TULP4: variants seen among roughly 807,000 people sequenced by gnomAD.
The protein encoded by TULP4 is tubby-related protein 4.
TULP4 carries 16 observed loss-of-function variants against 129.0 expected under a neutral mutation model. The ratio of observed to expected loss-of-function variants is 0.12; its 90% CI spans 0.08 to 0.19. TULP4 has a LOEUF of 0.19. Ranked by LOEUF, TULP4 falls within the 10% of genes least tolerant of loss-of-function variation. The pLI, the probability that TULP4 is intolerant of heterozygous loss-of-function variation, is 1.00. For synonymous variants in TULP4, 998 were observed against 854.0 expected (o/e 1.17, Z -2.94); for missense variants, 1,842 against 2,059.1 (o/e 0.89, Z 2.04).
At chr6:158,254,493 C>T (rs114994069) in intron 1 of TULP4, among the ~76,000 whole-genome samples, 425 of 152,278 alleles carry the variant, frequency 2.8e-3, no homozygotes, top group African/African-American at 9.8e-3. Context: ...ACACATACTT[C>T]AGTTTGGCCA....
intron 11 of TULP4, 40 bp from the exon 12 acceptor site, chr6:158,498,629 G>T (rs371248743): frequency 1.9e-6 from 3 of 1,613,322 alleles, no homozygotes; most frequent in African/African-American, 1.3e-5. Context: ...CTCTGCTCTG[G>T]TGTGTCTCTG....
At chr6:158,344,692 C>T (rs60102861) in intron 1 of TULP4, among the ~76,000 whole-genome samples, 134 of 152,252 alleles carry the variant, frequency 8.8e-4, no homozygotes, top group African/African-American at 3.0e-3. Flanking sequence ...CCTTGAGCCT[C>T]GCTGTTGCCT....
At chr6:158,463,669 A>ATATATATATATAT (rs1562577342) in intron 6 of TULP4, among the ~76,000 whole-genome samples, 2 of 140,548 alleles carry the variant, frequency 1.4e-5, no homozygotes, top group African/African-American at 5.2e-5. Context: ...TATATATATA[A>ATATATATATATAT]AAAGAAAAAA....
intron 6 of TULP4, among the ~76,000 whole-genome samples, chr6:158,463,543 T>C (rs2115190806): frequency 6.6e-6 from 1 of 152,064 alleles, no homozygotes; most frequent in South Asian, 2.1e-4. Context: ...ATATACCTAA[T>C]GTAAATGATG....
chr6:158,413,248 G>T lies in TULP4; in HGVS notation c.381+55G>T. On this transcript the variant is annotated intron_variant, in intron 2 of 13. Transcript: ENST00000367097. This position sits in a 1 kb window ranked among gnomAD's most constrained non-coding sequence, Gnocchi z 4.9. ...AGGGCTGCGGGGTAGAGGACTCCCA[G>T]ACAGGCATTCCGGAGCCAGTGCGTT... The T allele has an allele frequency of 6.4e-7, 1 of 1,555,842 alleles. No homozygotes were observed. Among genetic ancestry groups the T allele is most frequent in the African/African-American group, 1.4e-5 (1 of 73,608 alleles).
intron 13 of TULP4, among the ~76,000 whole-genome samples, chr6:158,505,912 A>G (rs1266359993): frequency 2.0e-5 from 3 of 150,612 alleles, no homozygotes; most frequent in Non-Finnish European, 4.4e-5. Context: ...TGCTTGTTAC[A>G]TGAGCATTAC....
chr6:158,331,296 T>A (rs988369410), intron 1 of TULP4, among the ~76,000 whole-genome samples: 1 of 152,168 alleles, frequency 6.6e-6, no homozygotes, highest in African/African-American at 2.4e-5. Context: ...ACAGATGTAA[T>A]CAAGAGCCTC....
intron 1 of TULP4, among the ~76,000 whole-genome samples, chr6:158,261,750 T>TC (rs1023712577): frequency 1.6e-4 from 24 of 152,162 alleles, no homozygotes; most frequent in Non-Finnish European, 5.9e-5. Context: ...GTTGCATGGC[T>TC]CCTGCTGATC....
upstream of TULP4, among the ~76,000 whole-genome samples, chr6:158,279,265 G>C (rs1342080954): frequency 6.6e-6 from 1 of 152,048 alleles, no homozygotes; most frequent in Non-Finnish European, 1.5e-5. Flanking sequence ...TGAAAATGTA[G>C]AACAATAAGT....
At position 158,503,311 on chromosome 6, in the gene TULP4, G is replaced by T. The variant is rs767050507; in HGVS notation, c.3648G>T (p.Thr1216=). The T allele has an allele frequency of 6.2e-7, 1 of 1,613,460 alleles. No individual in the cohort carries two copies. Among genetic ancestry groups the T allele is most frequent in the Non-Finnish European group, 8.5e-7 (1 of 1,179,906 alleles). Reference sequence around the variant, plus strand: ...CTCCCAAAGATGCCCTGTCCCCAACGCAGTTTGCACAACAGGAGCCTGCTG... The same window carrying T: ...CTCCCAAAGATGCCCTGTCCCCAACTCAGTTTGCACAACAGGAGCCTGCTG... ...PCSPKDALSP[T]QFAQQEPAVV... is the part of the protein sequence containing the mutation. Residue 1216 remains threonine, a synonymous_variant, in exon 13 of 14, where the codon ACG becomes ACT. Transcript: ENST00000367097. This position sits in a 1 kb window ranked among gnomAD's most constrained non-coding sequence, Gnocchi z 4.3.
intron 3 of TULP4, among the ~76,000 whole-genome samples, chr6:158,441,108 G>A (rs1778886671): frequency 6.6e-6 from 1 of 152,104 alleles, no homozygotes. Flanking sequence ...CTGAGGTCAG[G>A]AGTTCAAGAC....
At chr6:158,351,133 T>A (rs897373624) in intron 1 of TULP4, among the ~76,000 whole-genome samples, 1 of 152,152 alleles carries the variant, frequency 6.6e-6, no homozygotes, top group Non-Finnish European at 1.5e-5. Context: ...ATACTTTGCA[T>A]TGCATTTTTA....
intron 1 of TULP4, among the ~76,000 whole-genome samples, chr6:158,284,675 C>A (rs1234591324): frequency 1.3e-5 from 2 of 152,178 alleles, no homozygotes; most frequent in African/African-American, 4.8e-5. Flanking sequence ...AGCTGCTGAC[C>A]AGAGGCTTTG....
intron 1 of TULP4, among the ~76,000 whole-genome samples, chr6:158,243,875 T>C (rs1583670077): frequency 6.6e-6 from 1 of 151,714 alleles, no homozygotes; most frequent in South Asian, 2.1e-4. Context: ...TGTGTGTGTG[T>C]GTGTGTGTGT....
intron 1 of TULP4, among the ~76,000 whole-genome samples, chr6:158,232,960 C>T (rs262818): frequency 3.9e-5 from 6 of 152,258 alleles, no homozygotes; most frequent in African/African-American, 1.4e-4. Flanking sequence ...CACGGAGATT[C>T]TGTTCCGAGC....
intron 3 of TULP4, among the ~76,000 whole-genome samples, chr6:158,443,228 C>T (rs931019576): frequency 8.5e-5 from 13 of 152,178 alleles, no homozygotes; most frequent in East Asian, 1.9e-4. Context: ...GTGATCTGCC[C>T]GCCTCGGCCT....
intron 1 of TULP4, among the ~76,000 whole-genome samples, chr6:158,331,484 A>G (rs1182525886): frequency 6.6e-6 from 1 of 151,870 alleles, no homozygotes; most frequent in African/African-American, 2.4e-5. Flanking sequence ...AGTCACTGGC[A>G]GTGGTAGGTG....
At chr6:158,434,835 G>C (rs1487373019) in intron 3 of TULP4, among the ~76,000 whole-genome samples, 1 of 152,176 alleles carries the variant, frequency 6.6e-6, no homozygotes, top group Non-Finnish European at 1.5e-5. Flanking sequence ...AAGGTCAAAA[G>C]AAGAGCCCCA....
chr6:158,309,771 CGCAGGCACTCG>C (rs762218276), upstream of TULP4, among the ~76,000 whole-genome samples: 514 of 152,174 alleles, frequency 3.4e-3, 7 homozygotes, highest in Non-Finnish European at 1.9e-3. Flanking sequence ...CGCCTGCAAT[CGCAGGCACTCG>C]GCAGGCCGAG....
Sources: allele counts gnomAD v4.1 joint callset (sites outside exome capture counted in the v4.1 genomes callset), GRCh38; gene constraint gnomAD v4.1.1; non-coding constraint Gnocchi (gnomAD v3.1); transcripts MANE v1.5; gene names NCBI Gene and HGNC (gene_info 2026-07-23, HGNC 2026-07-21).